Variants in FAM117B observed in about 807,000 individuals in gnomAD.
FAM117B encodes the protein protein FAM117B.
FAM117B carries 22 observed loss-of-function variants against 52.8 expected under a neutral mutation model. The ratio of observed to expected loss-of-function variants is 0.42; its 90% CI spans 0.30 to 0.59. FAM117B has a LOEUF of 0.59. Among genes scored for constraint, FAM117B ranks in the 20% least tolerant of loss-of-function variants. The pLI is 0.22. For missense variants in FAM117B, 678 were observed against 802.6 expected (o/e 0.84, Z 1.88); for synonymous variants, 309 against 324.1 (o/e 0.95, Z 0.50).
intron 4 of FAM117B, among the ~76,000 whole-genome samples, chr2:202,737,624 CAG>C: frequency 6.6e-6 from 1 of 151,328 alleles, no homozygotes; most frequent in East Asian, 1.9e-4. Flanking sequence ...TTTTTTGAGA[CAG>C]AGTCTCGCTC....
At chr2:202,666,974 A>G (rs13428046) in intron 1 of FAM117B, among the ~76,000 whole-genome samples, 2 of 151,940 alleles carry the variant, frequency 1.3e-5, no homozygotes, top group Non-Finnish European at 2.9e-5. Context: ...ATAAAAATGC[A>G]GATCGAAAAT....
intron 1 of FAM117B, among the ~76,000 whole-genome samples, chr2:202,682,110 C>CT (rs894210811): frequency 6.6e-6 from 1 of 152,214 alleles, no homozygotes; most frequent in African/African-American, 2.4e-5. Flanking sequence ...CCTGCTCTGT[C>CT]TCCTTTTCAG....
chr2:202,690,530 G>A (rs561600250), intron 1 of FAM117B, among the ~76,000 whole-genome samples: 1 of 152,268 alleles, frequency 6.6e-6, no homozygotes, highest in Admixed American at 6.5e-5. Flanking sequence ...CTATGAGTTC[G>A]GGTGGGTGGT....
At chr2:202,725,485 A>G (rs1691227362) in intron 3 of FAM117B, among the ~76,000 whole-genome samples, 1 of 151,776 alleles carries the variant, frequency 6.6e-6, no homozygotes, top group Non-Finnish European at 1.5e-5. Context: ...TGGCCAGCTA[A>G]TTTTTGTATT....
chr2:202,714,541 T>TC (rs988311614), intron 2 of FAM117B, among the ~76,000 whole-genome samples: 2 of 146,288 alleles, frequency 1.4e-5, no homozygotes, highest in African/African-American at 2.6e-5. Context: ...TTCTTTTTTT[T>TC]TTTTTTTTTA....
intron 1 of FAM117B, among the ~76,000 whole-genome samples, chr2:202,668,133 T>C (rs1303192602): frequency 7.1e-6 from 1 of 141,584 alleles, no homozygotes; most frequent in Non-Finnish European, 1.5e-5. Context: ...AAATATATAT[T>C]TTATAAAAAT....
intron 2 of FAM117B, among the ~76,000 whole-genome samples, chr2:202,703,793 CTG>C (rs1189992810): frequency 6.6e-6 from 1 of 152,174 alleles, no homozygotes; most frequent in East Asian, 1.9e-4. Context: ...ATGCAAGTAT[CTG>C]TGTGAATCCC....
chr2:202,693,583 G>A (rs1300913771), intron 1 of FAM117B, among the ~76,000 whole-genome samples: 1 of 152,196 alleles, frequency 6.6e-6, no homozygotes, highest in Non-Finnish European at 1.5e-5. Flanking sequence ...GTGACAGAGC[G>A]AGACTGTATG....
chr2:202,635,105 C>T lies in FAM117B; in HGVS notation c.-83C>T, dbSNP rs1210952877. On this transcript the variant is annotated 5_prime_UTR_variant, in exon 1 of 8. Transcript: ENST00000392238. The stretch of plus-strand genomic sequence containing the variant: ...GTCACCCCGTCTTGGGGGGCCTGCC[C>T]TCCGGCCTCGAGAATCCTCCCCCTG... 6 of 1,252,064 alleles carry T rather than the reference C, an allele frequency of 4.8e-6. No homozygotes were observed. Among genetic ancestry groups the T allele is most frequent in the East Asian group, 3.2e-5 (1 of 31,720 alleles). 77.6% of individuals were successfully genotyped at this position (1,252,064 alleles called of 1,614,324 possible).
chr2:202,677,997 A>G (rs980560903), intron 1 of FAM117B, among the ~76,000 whole-genome samples: 6 of 152,206 alleles, frequency 3.9e-5, no homozygotes, highest in African/African-American at 1.2e-4. Flanking sequence ...CTCACAAAGC[A>G]AAAGAGTTGT....
chr2:202,645,206 G>T (rs1398251189), intron 1 of FAM117B, among the ~76,000 whole-genome samples: 1 of 151,496 alleles, frequency 6.6e-6, no homozygotes, highest in Admixed American at 6.6e-5. Context: ...GGAACTCCTG[G>T]CCTTAAGTGA....
At chr2:202,697,937 T>G (rs901624736) in intron 2 of FAM117B, among the ~76,000 whole-genome samples, 3 of 152,196 alleles carry the variant, frequency 2.0e-5, no homozygotes, top group African/African-American at 7.2e-5. Context: ...GGGCACAATC[T>G]TGGCTCACTG....
In FAM117B at chr2:202,765,852, C is replaced by T; in HGVS notation, c.*88C>T. 1 of 1,327,704 alleles carries T rather than the reference C, an allele frequency of 7.5e-7. No homozygotes were observed. The allele number at this position is 1,327,704 out of a possible 1,614,324, so 82.2% of individuals were successfully genotyped here. ...GATGGCATCGTGCGCTTCTGGTCGG[C>T]TGTGATGTGCTCCAGCTTTCCAGTG... On this transcript the variant is annotated 3_prime_UTR_variant, in exon 8 of 8. Coordinates refer to ENST00000392238, the MANE Select transcript of FAM117B (RefSeq NM_173511.4).
chr2:202,667,909 T>C (rs1690229644), intron 1 of FAM117B, among the ~76,000 whole-genome samples: 1 of 151,634 alleles, frequency 6.6e-6, no homozygotes, highest in Non-Finnish European at 1.5e-5. Flanking sequence ...GTGAGGATAG[T>C]AGTAGAGTAG....
intron 4 of FAM117B, among the ~76,000 whole-genome samples, chr2:202,741,441 AAAAAAGAATT>A (rs1189128744): frequency 2.6e-4 from 37 of 145,090 alleles, no homozygotes; most frequent in Non-Finnish European, 4.4e-4. Context: ...AAAAAAAAAA[AAAAAAGAATT>A]GGTGATGAAG....
chr2:202,668,518 A>G (rs1574548635), intron 1 of FAM117B, among the ~76,000 whole-genome samples: 1 of 123,608 alleles, frequency 8.1e-6, no homozygotes, highest in Admixed American at 8.9e-5. Context: ...ACAGAGCGAG[A>G]CTCTCTCTCA....
At chr2:202,720,087 G>C (rs936395959) in intron 2 of FAM117B, among the ~76,000 whole-genome samples, 1 of 152,044 alleles carries the variant, frequency 6.6e-6, no homozygotes, top group African/African-American at 2.4e-5. Context: ...TAAATATTCT[G>C]TTCTCCAAGA....
intron 2 of FAM117B, among the ~76,000 whole-genome samples, chr2:202,699,426 C>CAAAAAAAAAAAAAAAAAAAAAAAAA (rs751190825): frequency 2.2e-4 from 4 of 17,892 alleles, no homozygotes; most frequent in Non-Finnish European, 4.4e-4. Context: ...GACCCCATCT[C>CAAAAAAAAAAAAAAAAAAAAAAAAA]AAAAAAAAAA....
At chr2:202,756,103 A>G (rs762094214) in intron 5 of FAM117B, among the ~76,000 whole-genome samples, 3 of 152,158 alleles carry the variant, frequency 2.0e-5, no homozygotes, top group Admixed American at 6.6e-5. Flanking sequence ...ATGCTAGGCT[A>G]TGTCATCATA....
Sources: gnomAD v4.1 joint callset for allele counts (sites outside exome capture counted in the v4.1 genomes callset) on GRCh38, gnomAD v4.1.1 for gene constraint, MANE v1.5 for transcripts, NCBI Gene and HGNC (gene_info 2026-07-23, HGNC 2026-07-21) for gene names.